Variants in BSN observed in about 807,000 individuals in gnomAD.
BSN encodes protein bassoon.
A neutral mutation model predicts 264.8 loss-of-function variants in BSN; 57 were observed. That is an observed-to-expected ratio of 0.22 (90% CI 0.17 to 0.27). The LOEUF (loss-of-function observed/expected upper bound fraction) is 0.27. Ranked by LOEUF, BSN falls within the 10% of genes least tolerant of loss-of-function variation. The probability of loss-of-function intolerance (pLI) is 1.00; values close to 1 mark genes in which losing one functional copy is unlikely to be tolerated. For synonymous variants in BSN, 2,059 were observed against 2,137.3 expected (o/e 0.96, Z 1.01); for missense variants, 4,615 against 5,232.5 (o/e 0.88, Z 3.64).
chr3:49,652,872 A>G lies in BSN; in HGVS notation c.3316A>G (p.Thr1106Ala). 6.2e-7 allele frequency: 1 copy of G among 1,608,814 alleles called. No homozygotes were observed. The highest frequency in any genetic ancestry group is 8.5e-7 in the Non-Finnish European group (1 of 1,176,672). The change falls in exon 5 of 12, where the codon ACG becomes GCG. Residue 1106 changes from threonine to alanine, a missense_variant. Thr to Ala is a moderately conservative substitution (Grantham distance 58, BLOSUM62 0). Around this residue, in one of 3 missense-constraint regions of BSN, gnomAD observed 3,415 missense variants for 3,866.4 expected, o/e 0.88. Transcript: ENST00000296452. ...GTCACCCATCGAGGATGCCTCCCCG[A>G]CGGAGGAGCTGAGGCAGGCGGCCGA... Reference protein sequence around the residue: ...NLSPIEDASPTEELRQAAEME... With the variant: ...NLSPIEDASPAEELRQAAEME...
At chr3:49,666,851 G>A (rs2108102842) in intron 11 of BSN, among the ~76,000 whole-genome samples, 1 of 152,358 alleles carries the variant, frequency 6.6e-6, no homozygotes, top group South Asian at 2.1e-4. Context: ...AATTACAGTA[G>A]CCATAGTGCA....
At position 49,642,434 on chromosome 3, in the gene BSN, G is replaced by A. The variant is rs746661090; in HGVS notation, c.800G>A (p.Arg267Gln). 3.8e-5 allele frequency: 61 copies of A among 1,598,970 alleles called. No individual in the cohort carries two copies. The highest frequency in any genetic ancestry group is 4.9e-5 in the Non-Finnish European group (58 of 1,173,244). Residue 267 changes from arginine (R) to glutamine (Q), a missense_variant, in exon 3 of 12, where the codon CGG (arginine) becomes CAG (glutamine). This residue lies in a region of BSN where 1,197 missense variants were observed against 1,348.0 expected (regional missense o/e 0.89). Coordinates refer to ENST00000296452, the MANE Select transcript of BSN (RefSeq NM_003458.4). This position sits in a 1 kb window ranked among gnomAD's most constrained non-coding sequence, Gnocchi z 7.0. The part of the protein sequence containing the change: ...PLGKPDQERS[R>Q]GPGGPQPGSR... Reference sequence around the variant, plus strand: ...GGGAAGCCAGACCAAGAGAGATCTCGGGGCCCAGGAGGACCACAGCCTGGG... The same window carrying A: ...GGGAAGCCAGACCAAGAGAGATCTCAGGGCCCAGGAGGACCACAGCCTGGG...
At chr3:49,658,259 A>AC in intron 5 of BSN, 63 bp downstream of exon 5, 1 of 1,468,000 alleles carries the variant, frequency 6.8e-7, no homozygotes. Context: ...AGGGGCCCCC[A>AC]CAGGGAGGGG....
At chr3:49,566,638 T>C (rs1050121596) in intron 1 of BSN, among the ~76,000 whole-genome samples, 1 of 151,920 alleles carries the variant, frequency 6.6e-6, no homozygotes, top group Non-Finnish European at 1.5e-5. Flanking sequence ...ACAAAAAAAT[T>C]AGCCAGGCAT....
intron 3 of BSN, among the ~76,000 whole-genome samples, chr3:49,646,588 G>A (rs1252464780): frequency 2.0e-5 from 3 of 152,206 alleles, no homozygotes; most frequent in African/African-American, 7.2e-5. Context: ...AACCAGGTGA[G>A]ATGCTGTACC....
At chr3:49,641,257 G>A (rs1164155690) in intron 2 of BSN, among the ~76,000 whole-genome samples, 1 of 152,190 alleles carries the variant, frequency 6.6e-6, no homozygotes, top group Non-Finnish European at 1.5e-5. Context: ...TTCTCCTTTC[G>A]TTGACTCCTA....
chr3:49,588,211 T>C (rs2051950999), intron 1 of BSN, among the ~76,000 whole-genome samples: 1 of 152,088 alleles, frequency 6.6e-6, no homozygotes, highest in African/African-American at 2.4e-5. Context: ...TGTGAGCCAC[T>C]GCACCCGGCC....
chr3:49,590,653 C>T (rs1467995490), intron 1 of BSN, among the ~76,000 whole-genome samples: 1 of 151,960 alleles, frequency 6.6e-6, no homozygotes, highest in Admixed American at 6.6e-5. Flanking sequence ...TATACAGCTA[C>T]GTTACTTCCC....
At chr3:49,641,024 G>A (rs200087208) in intron 2 of BSN, among the ~76,000 whole-genome samples, 2 of 152,232 alleles carry the variant, frequency 1.3e-5, no homozygotes, top group Admixed American at 1.3e-4. Flanking sequence ...CCAGAGAGAG[G>A]GGGAGGCTGG....
At chr3:49,604,892 C>G (rs1271568703) in intron 1 of BSN, among the ~76,000 whole-genome samples, 1 of 151,930 alleles carries the variant, frequency 6.6e-6, no homozygotes, top group Admixed American at 6.6e-5. Flanking sequence ...AACCCCGCCT[C>G]AAAGCCTAAG....
Position 49,657,411 on chromosome 3 carries a change from A to T in BSN, c.7855A>T (p.Ser2619Cys). 6.2e-7 allele frequency: 1 copy of T among 1,613,158 alleles called. No individual in the cohort carries two copies. The highest frequency in any genetic ancestry group is 1.7e-5 in the Admixed American group (1 of 60,024). ...DCSVQTDDED[S>C]AEWEQPVRRR... ...CAGTGTGCAGACGGACGACGAAGAC[A>T]GTGCTGAGTGGGAGCAGCCAGTGCG... Residue 2619 changes from serine (S) to cysteine (C), a missense_variant, in exon 5 of 12, where the codon AGT becomes TGT. By Grantham distance (112) the Ser-to-Cys change is moderately radical (BLOSUM62 -1). Coordinates refer to ENST00000296452, the MANE Select transcript of BSN (RefSeq NM_003458.4).
At chr3:49,641,615 C>T (rs1230640072) in intron 2 of BSN, 1 of 152,214 alleles carries the variant, frequency 6.6e-6, no homozygotes, top group Non-Finnish European at 1.5e-5. Flanking sequence ...ACATCAGTCA[C>T]TTACATTGCA....
chr3:49,658,185 C>A lies in BSN; in HGVS notation c.8629C>A (p.Leu2877Met), dbSNP rs1321609142. ...CTCCCTCTACCAGCACCAGGGGGGA[C>A]TGGGTAGCCAGGTATGGGAACAGGG... ...RFSLYQHQGG[L>M]GSQVSALPPN... is the part of the protein sequence containing the mutation. The change falls in exon 5 of 12, where the codon CTG becomes ATG. Residue 2877 changes from leucine to methionine, a missense_variant. By Grantham distance (15) the Leu-to-Met change is conservative. Transcript: ENST00000296452. 6.4e-7 allele frequency: 1 copy of A among 1,567,666 alleles called. No individual in the cohort carries two copies. The highest frequency in any genetic ancestry group is 1.2e-5 in the South Asian group (1 of 86,108).
At chr3:49,619,808 C>T (rs771735048) in intron 1 of BSN, among the ~76,000 whole-genome samples, 8 of 152,096 alleles carry the variant, frequency 5.3e-5, no homozygotes, top group Non-Finnish European at 7.3e-5. Context: ...AGGCACTTGC[C>T]GTGTTTCCTC....
At chr3:49,566,239 T>C (rs1327359641) in intron 1 of BSN, among the ~76,000 whole-genome samples, 1 of 152,256 alleles carries the variant, frequency 6.6e-6, no homozygotes, top group Non-Finnish European at 1.5e-5. Context: ...TGTTTTCAAA[T>C]CCATTTATTT....
At chr3:49,673,087 C>CTTTTTTTTTTTTTTTTTTT (rs71080543), downstream of BSN, among the ~76,000 whole-genome samples, 189 of 43,194 alleles carry the variant, frequency 4.4e-3, 48 homozygotes, top group Non-Finnish European at 6.3e-3. Flanking sequence ...CCGGCCGGGA[C>CTTTTTTTTTTTTTTTTTTT]TTTTTTTTTT....
At chr3:49,566,517 G>A (rs1370369396) in intron 1 of BSN, among the ~76,000 whole-genome samples, 37 of 152,116 alleles carry the variant, frequency 2.4e-4, no homozygotes, top group Non-Finnish European at 5.0e-4. Flanking sequence ...GGGTGCAGTG[G>A]CTCCCCCCTG....
Position 49,657,517 on chromosome 3 carries a change from C to G in BSN, c.7961C>G (p.Ala2654Gly), listed in dbSNP as rs755239839. The G allele has an allele frequency of 6.2e-7, 1 of 1,613,210 alleles. No individual in the cohort carries two copies. The highest frequency in any genetic ancestry group is 1.1e-5 in the South Asian group (1 of 91,090). The change falls in exon 5 of 12, where the codon GCT becomes GGT. Residue 2654 changes from alanine to glycine, a missense_variant. Ala to Gly is a moderately conservative substitution (Grantham distance 60). Around this residue, in one of 3 missense-constraint regions of BSN, gnomAD observed 3,415 missense variants for 3,866.4 expected, o/e 0.88. Transcript: ENST00000296452. ...GATGCCACTGCCTCATCATCCAGTGCTGCTGCCACTGTGAGGGCCATGAGC... is the reference window on the plus strand; with the variant it reads ...GATGCCACTGCCTCATCATCCAGTGGTGCTGCCACTGTGAGGGCCATGAGC... ...KHDATASSSS[A>G]AATVRAMSSV... is the part of the protein sequence containing the mutation.
rs2052742772 is a variant in BSN at position 49,669,849 on chromosome 3, C to T, written c.*2364C>T. On this transcript the variant is annotated 3_prime_UTR_variant, in exon 12 of 12. Coordinates refer to ENST00000296452, the MANE Select transcript of BSN (RefSeq NM_003458.4). ...TATGCTCCCTGCTCACCCCCTTCTC[C>T]AAAGCCCAAGCGTCCCGCTGCTCAT... The T allele has an allele frequency of 6.6e-6, 1 of 152,638 alleles. No individual in the cohort carries two copies. Among genetic ancestry groups the T allele is most frequent in the Non-Finnish European group, 1.5e-5 (1 of 68,078 alleles). 9.5% of individuals were successfully genotyped at this position (152,638 alleles called of 1,614,324 possible). A position where few individuals can be genotyped will look rare whatever the true frequency, so the allele number is the denominator to read the frequency against.
Sources: gnomAD v4.1 joint callset for allele counts (sites outside exome capture counted in the v4.1 genomes callset) on GRCh38, gnomAD v4.1.1 for gene constraint, gnomAD v4.1.1 regional missense constraint, Gnocchi (gnomAD v3.1) non-coding constraint, MANE v1.5 for transcripts, NCBI Gene and HGNC (gene_info 2026-07-23, HGNC 2026-07-21) for gene names.